WBP1L: variants seen among roughly 807,000 people sequenced by gnomAD.
WBP1L encodes WW domain binding protein 1 like.
In WBP1L, 17 loss-of-function variants were observed where a neutral mutation model predicts 33.7. The observed-to-expected ratio is 0.50, with a 90% CI of 0.34 to 0.76. The LOEUF (loss-of-function observed/expected upper bound fraction) is 0.76. Ranked by LOEUF, WBP1L falls within the 30% of genes least tolerant of loss-of-function variation. WBP1L has a pLI of 0.01. For synonymous variants in WBP1L, 173 were observed against 190.8 expected (o/e 0.91, Z 0.77); for missense variants, 389 against 469.4 (o/e 0.83, Z 1.58).
chr10:102,800,241 A>G (rs999663652), intron 2 of WBP1L, among the ~76,000 whole-genome samples: 2 of 152,250 alleles, frequency 1.3e-5, no homozygotes, highest in African/African-American at 4.8e-5. Flanking sequence ...CCAAAAAGCC[A>G]CAGAGCTGTA....
intron 1 of WBP1L, among the ~76,000 whole-genome samples, chr10:102,785,334 C>G (rs1183446710): frequency 6.6e-6 from 1 of 151,880 alleles, no homozygotes; most frequent in Non-Finnish European, 1.5e-5. Context: ...ACTACAGGCG[C>G]CTGCCACCAC....
intron 1 of WBP1L, among the ~76,000 whole-genome samples, chr10:102,791,261 C>T (rs750396243): frequency 1.6e-4 from 25 of 152,154 alleles, no homozygotes; most frequent in Middle Eastern, 3.2e-3. Flanking sequence ...ATCCTCCTTG[C>T]TTTCTTGCAA....
intron 1 of WBP1L, 110 bp downstream of exon 1, chr10:102,744,253 G>T: frequency 7.7e-7 from 1 of 1,303,642 alleles, no homozygotes; most frequent in Non-Finnish European, 1.0e-6. Flanking sequence ...CCCGAGAGGG[G>T]CGTCTATGCC....
chr10:102,776,438 C>G (rs750515673), intron 1 of WBP1L: 25 of 1,613,876 alleles, frequency 1.5e-5, no homozygotes, highest in South Asian at 7.7e-5. Context: ...CTGCACGGAT[C>G]GGGTTTGGAA....
intron 1 of WBP1L, among the ~76,000 whole-genome samples, chr10:102,783,722 A>G (rs1291910139): frequency 6.6e-6 from 1 of 152,238 alleles, no homozygotes; most frequent in African/African-American, 2.4e-5. Flanking sequence ...TCTAGTTAAT[A>G]GAGGCCAGGG....
intron 1 of WBP1L, among the ~76,000 whole-genome samples, chr10:102,788,663 A>G (rs1257310062): frequency 6.6e-6 from 1 of 152,162 alleles, no homozygotes; most frequent in Admixed American, 6.5e-5. Flanking sequence ...GAGCATTACC[A>G]AAATCATTTA....
intron 1 of WBP1L, among the ~76,000 whole-genome samples, chr10:102,769,943 G>A (rs921913168): frequency 2.0e-5 from 3 of 152,342 alleles, no homozygotes; most frequent in East Asian, 1.9e-4. Context: ...AAAACGCCTT[G>A]TCCTGCCCAG....
rs1293693456 is a variant in WBP1L, at chr10:102,754,359, C to G, written c.90+10216C>G. Among the ~76,000 whole-genome samples, 3 of 152,180 alleles carry G rather than the reference C, an allele frequency of 2.0e-5. No individual in the cohort carries two copies. In the East Asian group the frequency reaches 5.8e-4, roughly 29 times the overall value. On this transcript the variant is annotated intron_variant, in intron 1 of 3. Coordinates refer to ENST00000448841, the MANE Select transcript of WBP1L (RefSeq NM_001083913.2). ...CTATGGCTGACTTTCCATTTTTCTTCCTTAGAGCTGATTGCTGCTTTTCTT... is the reference window on the plus strand; with the variant it reads ...CTATGGCTGACTTTCCATTTTTCTTGCTTAGAGCTGATTGCTGCTTTTCTT...
Position 102,799,743 on chromosome 10 carries a change from C to A in WBP1L, c.193+1648C>A, listed in dbSNP as rs1378460806. 1.1e-4 allele frequency among the ~76,000 whole-genome samples: 17 copies of A among 152,208 alleles called. No homozygotes were observed. In the East Asian group the frequency reaches 2.1e-3, roughly 19 times the overall value. On this transcript the variant is annotated intron_variant, in intron 2 of 3. Transcript: ENST00000448841. ...CCCCACCATCCTATCTGCGCCTTTC[C>A]CCTTTCTCATCCCCCCCATCAACCC...
At chr10:102,805,582 G>C (rs1356354385) in intron 2 of WBP1L, among the ~76,000 whole-genome samples, 1 of 152,034 alleles carries the variant, frequency 6.6e-6, no homozygotes, top group African/African-American at 2.4e-5. Context: ...TACCTAACGG[G>C]AGAATGTACT....
chr10:102,746,766 C>A (rs1755451587), intron 1 of WBP1L, among the ~76,000 whole-genome samples: 1 of 152,168 alleles, frequency 6.6e-6, no homozygotes, highest in Non-Finnish European at 1.5e-5. Context: ...TATACTCATT[C>A]TGTATCGAAT....
chr10:102,746,829 T>TACAATCTTTTTTTTACATGC (rs995030193), intron 1 of WBP1L, among the ~76,000 whole-genome samples: 2 of 150,648 alleles, frequency 1.3e-5, no homozygotes, highest in Non-Finnish European at 2.9e-5. Flanking sequence ...CTACTTACAA[T>TACAATCTTTTTTTTACATGC]ACAATCTTTT....
intron 1 of WBP1L, among the ~76,000 whole-genome samples, chr10:102,745,191 A>G (rs1842851508): frequency 6.6e-6 from 1 of 152,186 alleles, no homozygotes; most frequent in Non-Finnish European, 1.5e-5. Context: ...AAGAGCAGAA[A>G]CTGAGTGCCA....
intron 1 of WBP1L, 43 bp from the exon 2 acceptor site, chr10:102,797,950 A>C: frequency 6.4e-7 from 1 of 1,561,894 alleles, no homozygotes; most frequent in Non-Finnish European, 8.8e-7. Flanking sequence ...AAGTGTTCAA[A>C]AGCTGTCATT....
chr10:102,798,248 G>A (rs1431826969), intron 2 of WBP1L, among the ~76,000 whole-genome samples, 153 bp downstream of exon 2: 1 of 152,178 alleles, frequency 6.6e-6, no homozygotes, highest in African/African-American at 2.4e-5. Context: ...TGCTTCCTTT[G>A]TAGAGGAAGA....
chr10:102,776,476 T>C (rs2134042265), intron 1 of WBP1L: 1 of 1,608,184 alleles, frequency 6.2e-7, no homozygotes, highest in Non-Finnish European at 8.5e-7. Flanking sequence ...GCTTGTTTAT[T>C]GTACTACTGC....
intron 1 of WBP1L, among the ~76,000 whole-genome samples, chr10:102,748,029 G>A (rs533417420): frequency 6.6e-6 from 1 of 152,150 alleles, no homozygotes; most frequent in African/African-American, 2.4e-5. Flanking sequence ...GGCCGAGGCA[G>A]GCGGATCACG....
In WBP1L at chr10:102,757,971, C is replaced by T. The variant is rs572897717; in HGVS notation, c.90+13828C>T. Among the ~76,000 whole-genome samples, 25 of 146,780 alleles carry T rather than the reference C, an allele frequency of 1.7e-4. No individual in the cohort carries two copies. The South Asian group carries it at 3.5e-3, about 20-fold the overall frequency. ...CACGATCTCGGCTCACTGTAACCTC[C>T]GCTTCCCAGGTTCAGGCAATTCCCC... On this transcript the variant is annotated intron_variant, in intron 1 of 3. Coordinates refer to ENST00000448841, the MANE Select transcript of WBP1L (RefSeq NM_001083913.2).
chr10:102,785,464 G>A (rs1843402040), intron 1 of WBP1L, among the ~76,000 whole-genome samples: 1 of 152,146 alleles, frequency 6.6e-6, no homozygotes, highest in East Asian at 1.9e-4. Context: ...TGGGATTACA[G>A]GCGTGAGCCA....
Sources: allele counts gnomAD v4.1 joint callset (sites outside exome capture counted in the v4.1 genomes callset), GRCh38; gene constraint gnomAD v4.1.1; transcripts MANE v1.5; gene names NCBI Gene and HGNC (gene_info 2026-07-23, HGNC 2026-07-21).